The following ACSM3 variants were observed in gnomAD, a reference collection of about 807,000 sequenced individuals.
ACSM3 encodes the protein acyl-coenzyme A synthetase ACSM3, mitochondrial.
ACSM3 carries 61 observed loss-of-function variants against 74.1 expected under a neutral mutation model. The observed-to-expected ratio is 0.82, with a 90% CI of 0.67 to 1.02. ACSM3 has a LOEUF of 1.02. Ranked by LOEUF, ACSM3 falls within the 50% of genes least tolerant of loss-of-function variation. The probability of loss-of-function intolerance (pLI) is 0.00; values close to 1 mark genes in which losing one functional copy is unlikely to be tolerated. For missense variants in ACSM3, 660 were observed against 697.0 expected (o/e 0.95, Z 0.60); for synonymous variants, 213 against 241.5 (o/e 0.88, Z 1.09).
chr16:20,684,433 G>A (rs944225583), intron 1 of ACSM3, among the ~76,000 whole-genome samples: 6 of 152,360 alleles, frequency 3.9e-5, no homozygotes, highest in East Asian at 3.9e-4. Flanking sequence ...TATAACTGAA[G>A]AGGGAACAAA....
intron 1 of ACSM3, among the ~76,000 whole-genome samples, chr16:20,692,729 C>T (rs1176578691): frequency 1.3e-5 from 2 of 152,094 alleles, no homozygotes; most frequent in African/African-American, 4.8e-5. Context: ...TTGGGTAAAA[C>T]ATTTTGATTT....
intron 12 of ACSM3, chr16:20,792,824 CT>C (rs2080631793): frequency 1.8e-6 from 1 of 547,396 alleles, no homozygotes; most frequent in African/African-American, 2.1e-5. Context: ...AGGAAATAAA[CT>C]CTGAATAACA....
At chr16:20,738,840 G>A (rs1261700674) in intron 1 of ACSM3, 4 of 1,581,630 alleles carry the variant, frequency 2.5e-6, no homozygotes, top group Middle Eastern at 1.8e-4. Context: ...TATTCCCTGA[G>A]ACAGGAAGAT....
At chr16:20,785,709 T>C (rs2080457865) in intron 8 of ACSM3, among the ~76,000 whole-genome samples, 1 of 152,216 alleles carries the variant, frequency 6.6e-6, no homozygotes, top group African/African-American at 2.4e-5. Context: ...AATGTGTCTT[T>C]ATAATGCTTC....
Position 20,779,834 on chromosome 16 carries a change from C to T in ACSM3, c.639-880C>T, listed in dbSNP as rs558834892. ...TCACCCAGGCTGGAGTACGGTGGCT[C>T]GATCTTGGCTCACTGCAACCTCCAC... is the stretch of plus-strand genomic sequence containing the variant. On this transcript the variant is annotated intron_variant, in intron 4 of 13. Transcript: ENST00000289416. The T allele has an allele frequency of 1.0e-3, 192 of 184,026 alleles. 1 individual carries two copies. Among genetic ancestry groups the T allele is most frequent in the African/African-American group, 4.2e-3 (173 of 41,354 alleles). 11.4% of individuals were successfully genotyped at this position (184,026 alleles called of 1,614,324 possible). A position where few individuals can be genotyped will look rare whatever the true frequency, so the allele number is the denominator to read the frequency against.
intron 1 of ACSM3, among the ~76,000 whole-genome samples, chr16:20,705,559 G>A (rs578113191): frequency 3.0e-4 from 46 of 152,052 alleles, no homozygotes; most frequent in Non-Finnish European, 2.2e-4. Context: ...CAAATCCATG[G>A]CTGATCCCTG....
chr16:20,719,483 C>T (rs1279788401), intron 1 of ACSM3: 1 of 190,928 alleles, frequency 5.2e-6, no homozygotes, highest in Non-Finnish European at 1.2e-5. Flanking sequence ...GCTTCTTGGG[C>T]TTCTGGAAAT....
At chr16:20,708,393 C>G (rs979975996) in intron 1 of ACSM3, among the ~76,000 whole-genome samples, 1 of 152,168 alleles carries the variant, frequency 6.6e-6, no homozygotes, top group African/African-American at 2.4e-5. Flanking sequence ...CTTATAAGAT[C>G]CTGTCATCTG....
At chr16:20,766,336 T>A (rs1027468980) in intron 1 of ACSM3, among the ~76,000 whole-genome samples, 4 of 136,182 alleles carry the variant, frequency 2.9e-5, no homozygotes, top group Non-Finnish European at 4.8e-5. Flanking sequence ...TTCACTAGAA[T>A]GTCATACAAC....
At chr16:20,759,375 C>T (rs574339793), upstream of ACSM3, among the ~76,000 whole-genome samples, 6 of 152,012 alleles carry the variant, frequency 3.9e-5, no homozygotes, top group East Asian at 7.7e-4. Context: ...GGCTAACACA[C>T]GGTGAAACCC....
At chr16:20,691,325 T>C in intron 1 of ACSM3, 1 of 676,984 alleles carries the variant, frequency 1.5e-6, no homozygotes, top group South Asian at 2.5e-5. Flanking sequence ...ATTGCTACAG[T>C]TATAGCTTTG....
chr16:20,708,272 G>T (rs935740101), intron 1 of ACSM3, among the ~76,000 whole-genome samples: 3 of 152,168 alleles, frequency 2.0e-5, no homozygotes, highest in Non-Finnish European at 4.4e-5. Context: ...CTGCACTCCA[G>T]CCTGGGTGAC....
Position 20,770,135 on chromosome 16 carries a change from C to G in ACSM3, c.101C>G (p.Thr34Arg). The change falls in exon 2 of 14, where the codon ACA becomes AGA. Residue 34 changes from threonine (T) to arginine (R), a missense_variant. Coordinates refer to ENST00000289416, the MANE Select transcript of ACSM3 (RefSeq NM_005622.4). The stretch of plus-strand genomic sequence containing the variant: ...AGGGCACTGCATAAAGATAATAGAA[C>G]AGCAACCCCTCAGAATTTCTCCAAC... ...SVRALHKDNR[T>R]ATPQNFSNYE... The G allele has an allele frequency of 6.2e-7, 1 of 1,614,134 alleles. No homozygotes were observed. The highest frequency in any genetic ancestry group is 8.5e-7 in the Non-Finnish European group (1 of 1,180,020).
chr16:20,689,973 T>C (rs1165383199), intron 1 of ACSM3, among the ~76,000 whole-genome samples: 1 of 152,184 alleles, frequency 6.6e-6, no homozygotes, highest in African/African-American at 2.4e-5. Context: ...ATTAAGGAAA[T>C]AGAGACAATA....
intron 1 of ACSM3, among the ~76,000 whole-genome samples, chr16:20,766,774 T>TA (rs1270505729): frequency 2.6e-5 from 4 of 152,100 alleles, no homozygotes; most frequent in Admixed American, 1.3e-4. Context: ...ATACTTCATT[T>TA]AAAAAAATAG....
intron 1 of ACSM3, chr16:20,681,193 A>G (rs930458823): frequency 6.6e-6 from 1 of 152,238 alleles, no homozygotes; most frequent in Non-Finnish European, 1.5e-5. Flanking sequence ...TAACCAATGA[A>G]ACATCAAGGG....
Position 20,741,837 on chromosome 16 carries a change from C to T in ACSM3, c.-189-8073C>T. 4 of 1,538,258 alleles carry T rather than the reference C, an allele frequency of 2.6e-6. No individual in the cohort carries two copies. The South Asian group carries it at 4.8e-5, about 18-fold the overall frequency. On this transcript the variant is annotated intron_variant, in intron 1 of 3. Coordinates refer to the ACSM3 transcript ENST00000561584. ...AACTGGTGACGTCGGATATGAGCGA[C>T]GGCCTCCCCTAGCCGGCCTCGAAGC...
chr16:20,723,494 C>T (rs914461872), intron 1 of ACSM3, among the ~76,000 whole-genome samples: 2 of 152,036 alleles, frequency 1.3e-5, no homozygotes, highest in Non-Finnish European at 2.9e-5. Context: ...GTTTACAGTC[C>T]CACCAACAGT....
In ACSM3 at chr16:20,797,146, C is replaced by T. The variant is rs2080738772; in HGVS notation, c.*174C>T. The T allele has an allele frequency of 7.4e-7, 1 of 1,354,660 alleles. No homozygotes were observed. The highest frequency in any genetic ancestry group is 9.5e-7 in the Non-Finnish European group (1 of 1,056,302). 83.9% of individuals were successfully genotyped at this position (1,354,660 alleles called of 1,614,324 possible). ...CTAAATTTTGAAATAAAATATTTGGCAAATTCCTCCACATTAGTGTCAATG... is the reference window on the plus strand; with the variant it reads ...CTAAATTTTGAAATAAAATATTTGGTAAATTCCTCCACATTAGTGTCAATG... On this transcript the variant is annotated 3_prime_UTR_variant, in exon 14 of 14. Coordinates refer to ENST00000289416, the MANE Select transcript of ACSM3 (RefSeq NM_005622.4).
Sources: gnomAD v4.1 joint callset for allele counts (sites outside exome capture counted in the v4.1 genomes callset) on GRCh38, gnomAD v4.1.1 for gene constraint, MANE v1.5 for transcripts, NCBI Gene and HGNC (gene_info 2026-07-23, HGNC 2026-07-21) for gene names.